Variants in TAF1B observed in about 807,000 individuals in gnomAD.
The protein encoded by TAF1B is TATA-box binding protein associated factor, RNA polymerase I subunit B, also known as TATA box-binding protein-associated factor RNA polymerase I subunit B.
A neutral mutation model predicts 83.9 loss-of-function variants in TAF1B; 61 were observed. The ratio of observed to expected loss-of-function variants is 0.73; its 90% CI spans 0.59 to 0.90. The LOEUF is 0.90. TAF1B is among the 40% of genes least tolerant of loss of function. The pLI is 0.00. For missense variants in TAF1B, 625 were observed against 677.0 expected (o/e 0.92, Z 0.85); for synonymous variants, 221 against 224.6 (o/e 0.98, Z 0.14).
intron 7 of TAF1B, among the ~76,000 whole-genome samples, chr2:9,881,074 C>T (rs547827006): frequency 6.6e-6 from 1 of 152,234 alleles, no homozygotes; most frequent in South Asian, 2.1e-4. Flanking sequence ...TGGCTCACTT[C>T]TGTAATTCCA....
intron 12 of TAF1B, among the ~76,000 whole-genome samples, chr2:9,915,395 C>T (rs1317237645): frequency 6.6e-6 from 1 of 152,158 alleles, no homozygotes; most frequent in African/African-American, 2.4e-5. Flanking sequence ...ATGCAAATCA[C>T]ATATCCGTTT....
intron 7 of TAF1B, among the ~76,000 whole-genome samples, chr2:9,878,318 C>T (rs183543749): frequency 1.3e-5 from 2 of 151,892 alleles, no homozygotes; most frequent in African/African-American, 2.4e-5. Flanking sequence ...TCAAGCAAGC[C>T]TCCTACCTTG....
intron 8 of TAF1B, among the ~76,000 whole-genome samples, chr2:9,903,594 C>T (rs766255087): frequency 9.9e-5 from 15 of 152,026 alleles, no homozygotes; most frequent in East Asian, 1.9e-4. Context: ...TTTATATGTG[C>T]GAGTTTAGTA....
chr2:9,918,369 C>T (rs77588087), intron 12 of TAF1B, among the ~76,000 whole-genome samples: 1 of 152,144 alleles, frequency 6.6e-6, no homozygotes, highest in South Asian at 2.1e-4. Context: ...TGGAACTGAT[C>T]ACCCTCATCT....
At chr2:9,923,014 C>T (rs1402395476) in intron 14 of TAF1B, among the ~76,000 whole-genome samples, 1 of 152,128 alleles carries the variant, frequency 6.6e-6, no homozygotes, top group Non-Finnish European at 1.5e-5. Context: ...GAGGCTGAGG[C>T]AGGTGGATCA....
At chr2:9,932,565 C>G (rs954034600) in intron 14 of TAF1B, among the ~76,000 whole-genome samples, 5 of 151,544 alleles carry the variant, frequency 3.3e-5, no homozygotes, top group Non-Finnish European at 7.4e-5. Context: ...GGGGCACCTG[C>G]CTGTATGAGG....
At chr2:9,911,696 A>G (rs1037252885) in intron 11 of TAF1B, 139 bp downstream of exon 11, 1 of 513,246 alleles carries the variant, frequency 1.9e-6, no homozygotes, top group Non-Finnish European at 3.3e-6. Flanking sequence ...TTGTACCAGT[A>G]TTGTTTTTTC....
intron 6 of TAF1B, among the ~76,000 whole-genome samples, chr2:9,872,195 G>A (rs559021424): frequency 1.4e-3 from 214 of 152,050 alleles, no homozygotes; most frequent in Admixed American, 2.3e-3. Flanking sequence ...GTGTGGTGGC[G>A]CACGCCTGTA....
At chr2:9,909,501 A>G (rs1665457822) in intron 9 of TAF1B, among the ~76,000 whole-genome samples, 1 of 152,236 alleles carries the variant, frequency 6.6e-6, no homozygotes, top group Non-Finnish European at 1.5e-5. Flanking sequence ...GCAGAGAGGC[A>G]AGTGAGAATA....
chr2:9,918,053 CAG>C (rs1665741445), intron 12 of TAF1B, among the ~76,000 whole-genome samples: 1 of 147,530 alleles, frequency 6.8e-6, no homozygotes, highest in South Asian at 2.2e-4. Flanking sequence ...GCCTGGGCGA[CAG>C]AGCGAGACTC....
intron 14 of TAF1B, among the ~76,000 whole-genome samples, chr2:9,928,655 C>T (rs1394424650): frequency 6.6e-6 from 1 of 150,998 alleles, no homozygotes; most frequent in African/African-American, 2.5e-5. Flanking sequence ...ATTTAGCTCT[C>T]TGTTTGTCTG....
chr2:9,879,147 A>G (rs72782637), intron 7 of TAF1B, among the ~76,000 whole-genome samples: 22,349 of 152,254 alleles, frequency 0.15, 1,828 homozygotes, highest in East Asian at 0.27. Context: ...GTACATTCCT[A>G]TGATAAAGTT....
intron 9 of TAF1B, among the ~76,000 whole-genome samples, chr2:9,906,094 T>C (rs56010640): frequency 0.28 from 42,548 of 151,982 alleles, 6,952 homozygotes; most frequent in Middle Eastern, 0.4. Context: ...GGAAAGTTCC[T>C]GTATGCTGTC....
At chr2:9,917,895 A>G (rs531091524) in intron 12 of TAF1B, among the ~76,000 whole-genome samples, 4 of 151,734 alleles carry the variant, frequency 2.6e-5, no homozygotes, top group Non-Finnish European at 5.9e-5. Flanking sequence ...AAACGGTGAA[A>G]CCCCGTCTCT....
At chr2:9,925,455 G>A (rs1472609386) in intron 14 of TAF1B, among the ~76,000 whole-genome samples, 1 of 152,046 alleles carries the variant, frequency 6.6e-6, no homozygotes, top group East Asian at 1.9e-4. Flanking sequence ...AAAGAAAAGT[G>A]TAAGTACTGT....
intron 5 of TAF1B, among the ~76,000 whole-genome samples, chr2:9,859,574 G>A (rs756719848): frequency 2.4e-4 from 37 of 151,996 alleles, no homozygotes; most frequent in Non-Finnish European, 4.7e-4. Flanking sequence ...TTTTAATACA[G>A]ATGGGGTTTC....
intron 4 of TAF1B, 56 bp downstream of exon 4, chr2:9,851,694 A>G: frequency 7.2e-7 from 1 of 1,392,604 alleles, no homozygotes; most frequent in Non-Finnish European, 1.0e-6. Context: ...AAAGAACAGT[A>G]AGACTTATAG....
intron 12 of TAF1B, among the ~76,000 whole-genome samples, chr2:9,918,020 C>T (rs13010179): frequency 6.7e-6 from 1 of 149,268 alleles, no homozygotes. Context: ...TGCAGTGAGC[C>T]GAGATCCCAC....
In TAF1B at chr2:9,849,354, CTTTT is replaced by C. The variant is rs1663307971; in HGVS notation, c.118-17_118-14del. Reference sequence around the variant, plus strand: ...ATGTAAAACGATCTTTTTTAATGGTCTTTTTCTCTTTCCTGCAGAGATATCAGGA... The same window carrying C: ...ATGTAAAACGATCTTTTTTAATGGTCTCTCTTTCCTGCAGAGATATCAGGA... On this transcript the variant is annotated splice_polypyrimidine_tract_variant and intron_variant, in intron 2 of 14. Transcript: ENST00000263663. 2 of 1,558,416 alleles carry C rather than the reference CTTTT, an allele frequency of 1.3e-6. No individual in the cohort carries two copies. Among genetic ancestry groups the C allele is most frequent in the Non-Finnish European group, 1.7e-6 (2 of 1,151,226 alleles).
Sources: allele counts gnomAD v4.1 joint callset (sites outside exome capture counted in the v4.1 genomes callset), GRCh38; gene constraint gnomAD v4.1.1; transcripts MANE v1.5; gene names NCBI Gene and HGNC (gene_info 2026-07-23, HGNC 2026-07-21).